Variants in ZFPM2 observed in about 807,000 individuals in gnomAD.
The protein encoded by ZFPM2 is zinc finger protein ZFPM2.
A neutral mutation model predicts 98.6 loss-of-function variants in ZFPM2; 20 were observed. The ratio of observed to expected loss-of-function variants is 0.20; its 90% CI spans 0.14 to 0.29. The LOEUF (loss-of-function observed/expected upper bound fraction) is 0.29, where lower values mean the gene tolerates loss of function less well. Among genes scored for constraint, ZFPM2 ranks in the 10% least tolerant of loss-of-function variants. The probability of loss-of-function intolerance (pLI) is 1.00; values close to 1 mark genes in which losing one functional copy is unlikely to be tolerated. For synonymous variants in ZFPM2, 518 were observed against 502.7 expected, an observed-to-expected ratio of 1.03 and a Z score of -0.41; for missense variants, 1,310 against 1,388.6, an observed-to-expected ratio of 0.94 and a Z score of 0.90.
chr8:105,598,223 C>A (rs1405512332), intron 4 of ZFPM2, among the ~76,000 whole-genome samples: 2 of 152,044 alleles, frequency 1.3e-5, no homozygotes, highest in Non-Finnish European at 2.9e-5. Context: ...CGGAGTCCAG[C>A]AGTGGGAAGG....
At chr8:105,794,474 G>A (rs1331388196) in intron 6 of ZFPM2, among the ~76,000 whole-genome samples, 1 of 152,206 alleles carries the variant, frequency 6.6e-6, no homozygotes, top group Non-Finnish European at 1.5e-5. Context: ...TGTGTGAGGT[G>A]TCAGTCTGCC....
intron 1 of ZFPM2, among the ~76,000 whole-genome samples, chr8:105,330,553 CAT>C (rs61051244): frequency 0.015 from 1,346 of 92,402 alleles, 44 homozygotes; most frequent in African/African-American, 0.047. Context: ...TATATATATA[CAT>C]ATATATATAT....
At chr8:105,658,420 C>T (rs1226750636) in intron 5 of ZFPM2, among the ~76,000 whole-genome samples, 1 of 79,208 alleles carries the variant, frequency 1.3e-5, no homozygotes, top group Non-Finnish European at 2.5e-5. Flanking sequence ...AACCCCGTCT[C>T]TACTAAAAAT....
At chr8:105,670,575 T>C (rs1357874891) in intron 5 of ZFPM2, among the ~76,000 whole-genome samples, 1 of 151,656 alleles carries the variant, frequency 6.6e-6, no homozygotes, top group African/African-American at 2.4e-5. Flanking sequence ...CCTTCATCCT[T>C]GTCAATCCAC....
chr8:105,721,249 GA>G (rs1031913616), intron 5 of ZFPM2, among the ~76,000 whole-genome samples: 1 of 151,866 alleles, frequency 6.6e-6, no homozygotes, highest in African/African-American at 2.4e-5. Flanking sequence ...GCCTTTGGTT[GA>G]AAAAAATCGT....
intron 4 of ZFPM2, among the ~76,000 whole-genome samples, chr8:105,568,936 G>T (rs1051902161): frequency 6.6e-6 from 1 of 151,442 alleles, no homozygotes; most frequent in Non-Finnish European, 1.5e-5. Flanking sequence ...TTCCACATCC[G>T]TACATTTGGT....
intron 5 of ZFPM2, chr8:105,685,709 T>TA (rs1313095996): frequency 6.6e-6 from 1 of 152,114 alleles, no homozygotes; most frequent in Non-Finnish European, 1.5e-5. Flanking sequence ...GAGAAGTTGA[T>TA]ATAGAGTGTA....
At chr8:105,465,135 T>C (rs1482576564) in intron 3 of ZFPM2, among the ~76,000 whole-genome samples, 1 of 150,840 alleles carries the variant, frequency 6.6e-6, no homozygotes. Flanking sequence ...TAAGGAAAAC[T>C]GGAAAAAAAA....
chr8:105,726,111 G>T (rs772222026), intron 5 of ZFPM2, among the ~76,000 whole-genome samples: 1 of 151,702 alleles, frequency 6.6e-6, no homozygotes, highest in Non-Finnish European at 1.5e-5. Flanking sequence ...GATTTCAGTG[G>T]CCTTTCAGCT....
At chr8:105,794,183 T>G (rs1813716596) in intron 6 of ZFPM2, among the ~76,000 whole-genome samples, 1 of 152,100 alleles carries the variant, frequency 6.6e-6, no homozygotes, top group African/African-American at 2.4e-5. Flanking sequence ...TTCTGCTTTG[T>G]TTTTTCCCCA....
At chr8:105,693,673 A>G (rs1389118466) in intron 5 of ZFPM2, among the ~76,000 whole-genome samples, 1 of 152,182 alleles carries the variant, frequency 6.6e-6, no homozygotes, top group Non-Finnish European at 1.5e-5. Flanking sequence ...TATTTTCTAT[A>G]TGGACAGCTG....
chr8:105,424,950 G>A lies in ZFPM2; in HGVS notation c.199+5648G>A, dbSNP rs544197001. ...CAGGCAAAGTTGGTAGAGTGTAATAGTGTGCACACACATGCTATTTCATAA... is the reference window on the plus strand; with the variant it reads ...CAGGCAAAGTTGGTAGAGTGTAATAATGTGCACACACATGCTATTTCATAA... On this transcript the variant is annotated intron_variant, in intron 2 of 7. Coordinates refer to ENST00000407775, the MANE Select transcript of ZFPM2 (RefSeq NM_012082.4). Among the ~76,000 whole-genome samples, 18 of 152,320 alleles carry A rather than the reference G, an allele frequency of 1.2e-4. 1 individual carries two copies. The South Asian group carries it at 3.5e-3, about 30-fold the overall frequency.
chr8:105,772,986 C>T (rs144333704), intron 5 of ZFPM2, among the ~76,000 whole-genome samples: 1 of 152,196 alleles, frequency 6.6e-6, no homozygotes, highest in Non-Finnish European at 1.5e-5. Context: ...CTGTAAATTA[C>T]GACGAAGTTG....
At chr8:105,446,568 T>C (rs1405162858) in intron 3 of ZFPM2, among the ~76,000 whole-genome samples, 3 of 152,178 alleles carry the variant, frequency 2.0e-5, no homozygotes, top group Non-Finnish European at 1.5e-5. Context: ...AGAATTATGC[T>C]GTCATTCAAA....
At chr8:105,455,371 C>T (rs888581833) in intron 3 of ZFPM2, among the ~76,000 whole-genome samples, 2 of 151,992 alleles carry the variant, frequency 1.3e-5, no homozygotes, top group African/African-American at 4.8e-5. Context: ...ATAACCTGGG[C>T]AGAATATGCA....
chr8:105,764,363 T>A (rs1812810972), intron 5 of ZFPM2, among the ~76,000 whole-genome samples: 3 of 150,186 alleles, frequency 2.0e-5, no homozygotes, highest in South Asian at 4.2e-4. Context: ...ATTCCAAAAA[T>A]TAATTTGCAG....
At chr8:105,684,201 T>C (rs1810681182) in intron 5 of ZFPM2, among the ~76,000 whole-genome samples, 2 of 152,292 alleles carry the variant, frequency 1.3e-5, no homozygotes, top group South Asian at 4.1e-4. Context: ...ATACTTAATA[T>C]AGAAATGACT....
At chr8:105,359,397 A>T (rs1586315352) in intron 1 of ZFPM2, among the ~76,000 whole-genome samples, 2 of 135,354 alleles carry the variant, frequency 1.5e-5, no homozygotes. Context: ...TTGTTTTGAG[A>T]CAGAGTCTCG....
intron 1 of ZFPM2, among the ~76,000 whole-genome samples, chr8:105,412,693 A>G (rs778988955): frequency 6.6e-5 from 10 of 151,680 alleles, no homozygotes; most frequent in African/African-American, 9.7e-5. Context: ...TTTTTAGACT[A>G]CAGAAATAAG....
Sources: allele counts gnomAD v4.1 joint callset (sites outside exome capture counted in the v4.1 genomes callset), GRCh38; gene constraint gnomAD v4.1.1; transcripts MANE v1.5; gene names NCBI Gene and HGNC (gene_info 2026-07-23, HGNC 2026-07-21).